Variants in SELENOI observed in about 807,000 individuals in gnomAD.
SELENOI encodes the protein selenoprotein I, also known as ethanolaminephosphotransferase 1.
A neutral mutation model predicts 50.7 loss-of-function variants in SELENOI; 24 were observed. The ratio of observed to expected loss-of-function variants is 0.47; its 90% CI spans 0.34 to 0.67. The LOEUF (loss-of-function observed/expected upper bound fraction) is 0.67. Among genes scored for constraint, SELENOI ranks in the 30% least tolerant of loss-of-function variants. The pLI, the probability that SELENOI is intolerant of heterozygous loss-of-function variation, is 0.01. For synonymous variants in SELENOI, 155 were observed against 170.2 expected (o/e 0.91, Z 0.70); for missense variants, 352 against 461.4 (o/e 0.76, Z 2.17).
At chr2:26,363,520 A>G (rs1677225206) in intron 1 of SELENOI, among the ~76,000 whole-genome samples, 2 of 152,270 alleles carry the variant, frequency 1.3e-5, no homozygotes, top group Middle Eastern at 6.8e-3. Context: ...AAACACCATA[A>G]TGTAAAAGCT....
Position 26,394,518 on chromosome 2 carries a change from T to C in SELENOI, c.*5415T>C, listed in dbSNP as rs1678044577. On this transcript the variant is annotated 3_prime_UTR_variant, in exon 10 of 10. Coordinates refer to ENST00000260585, the MANE Select transcript of SELENOI (RefSeq NM_033505.4). This position sits in a 1 kb window ranked among gnomAD's most constrained non-coding sequence, Gnocchi z 4.1. ...TTAACTTTTTTTGTAGGTTATTTTG[T>C]TGTTTAGATAACTTGCCTCCCTAGA... 6.6e-6 allele frequency: 1 copy of C among 152,268 alleles called. No individual in the cohort carries two copies. Among genetic ancestry groups the C allele is most frequent in the Non-Finnish European group, 1.5e-5 (1 of 68,050 alleles). The allele number at this position is 152,268 out of a possible 1,614,324, so 9.4% of individuals were successfully genotyped here.
intron 4 of SELENOI, among the ~76,000 whole-genome samples, chr2:26,370,919 G>T (rs62128664): frequency 3.7e-5 from 3 of 80,146 alleles, no homozygotes; most frequent in Non-Finnish European, 8.9e-5. Context: ...GCGGCTGGCC[G>T]GGCGGGGGGC....
At chr2:26,349,678 T>TG (rs929184892) in intron 1 of SELENOI, among the ~76,000 whole-genome samples, 1 of 150,322 alleles carries the variant, frequency 6.7e-6, no homozygotes, top group East Asian at 1.9e-4. Flanking sequence ...TGGTTTTTTT[T>TG]TTTTTTTTTT....
At chr2:26,370,742 T>C (rs927788959) in intron 4 of SELENOI, among the ~76,000 whole-genome samples, 2 of 137,048 alleles carry the variant, frequency 1.5e-5, no homozygotes, top group East Asian at 2.4e-4. Context: ...GGCGGGGGGC[T>C]GACCCCCCCA....
At chr2:26,360,964 C>T (rs1002937961) in intron 1 of SELENOI, among the ~76,000 whole-genome samples, 2 of 152,150 alleles carry the variant, frequency 1.3e-5, no homozygotes, top group Non-Finnish European at 2.9e-5. Flanking sequence ...CCTGTAATCC[C>T]AGCACTTTGG....
chr2:26,387,029 T>A (rs1248690854), intron 9 of SELENOI, among the ~76,000 whole-genome samples: 1 of 152,226 alleles, frequency 6.6e-6, no homozygotes, highest in African/African-American at 2.4e-5. Flanking sequence ...TGAGGGAGAT[T>A]AGAATTTCTG....
At chr2:26,386,687 G>A (rs1054235205) in intron 9 of SELENOI, among the ~76,000 whole-genome samples, 151 bp downstream of exon 9, 1 of 152,110 alleles carries the variant, frequency 6.6e-6, no homozygotes, top group Admixed American at 6.5e-5. Flanking sequence ...TCTAAATTTT[G>A]GATAATATCC....
intron 1 of SELENOI, among the ~76,000 whole-genome samples, chr2:26,349,670 G>GTTTTT (rs372398913): frequency 3.1e-4 from 36 of 115,144 alleles, no homozygotes; most frequent in Non-Finnish European, 4.2e-4. Context: ...CTGCAAGTTG[G>GTTTTT]TTTTTTTTTT....
rs1471106152 is a variant in SELENOI, at chr2:26,391,612, A to C, written c.*2509A>C. On this transcript the variant is annotated 3_prime_UTR_variant, in exon 10 of 10. Transcript: ENST00000260585. The stretch of plus-strand genomic sequence containing the variant: ...AGGAGCATACGTGCATGTTTTCCGT[A>C]CTTTCAGAATAGAGTGCCTTAGCTA... The C allele has an allele frequency of 1.3e-5, 2 of 152,196 alleles. No individual in the cohort carries two copies. The highest frequency in any genetic ancestry group is 4.8e-5 in the African/African-American group (2 of 41,444). The allele number at this position is 152,196 out of a possible 1,614,324, so 9.4% of individuals were successfully genotyped here. A position where few individuals can be genotyped will look rare whatever the true frequency, so the allele number is the denominator to read the frequency against.
chr2:26,348,945 G>A (rs1461626486), intron 1 of SELENOI, among the ~76,000 whole-genome samples: 1 of 142,982 alleles, frequency 7.0e-6, no homozygotes, highest in African/African-American at 2.5e-5. Context: ...GAATTATACT[G>A]AAGGATTTCA....
chr2:26,350,979 A>G (rs1218446244), intron 1 of SELENOI, among the ~76,000 whole-genome samples: 1 of 151,934 alleles, frequency 6.6e-6, no homozygotes, highest in African/African-American at 2.4e-5. Context: ...TGCTCAGAAC[A>G]CTTAGATTAA....
At chr2:26,383,617 A>C (rs926264757) in intron 7 of SELENOI, among the ~76,000 whole-genome samples, 6 of 152,088 alleles carry the variant, frequency 3.9e-5, no homozygotes, top group Non-Finnish European at 8.8e-5. Context: ...GGTGGCTCAC[A>C]CCTGTAATCC....
rs537811280 is a variant in SELENOI at position 26,354,683 on chromosome 2, G to A, written c.57+8394G>A. Among the ~76,000 whole-genome samples the A allele has an allele frequency of 1.7e-3, 256 of 152,100 alleles. 2 individuals are homozygous for A. Among genetic ancestry groups the A allele is most frequent in the Admixed American group, 2.5e-3 (38 of 15,278 alleles). On this transcript the variant is annotated intron_variant, in intron 1 of 9. Transcript: ENST00000260585. ...TGGGATTACAGATGTGAGCCACCGC[G>A]CCTGGCGGTACTGGCTGTTTTTGTG... is the stretch of plus-strand genomic sequence containing the variant.
At chr2:26,348,973 A>ACCCATCC (rs1446362395) in intron 1 of SELENOI, among the ~76,000 whole-genome samples, 1 of 108,186 alleles carries the variant, frequency 9.2e-6, no homozygotes, top group African/African-American at 3.2e-5. Flanking sequence ...TTTTGCCTCT[A>ACCCATCC]CCCATCCTTT....
At chr2:26,373,865 C>T (rs1677509584) in intron 5 of SELENOI, among the ~76,000 whole-genome samples, 1 of 152,138 alleles carries the variant, frequency 6.6e-6, no homozygotes, top group African/African-American at 2.4e-5. Context: ...ATTGCTGAGG[C>T]TGAGGCCTCC....
intron 1 of SELENOI, among the ~76,000 whole-genome samples, chr2:26,351,044 A>G (rs1212332048): frequency 1.1e-4 from 16 of 146,204 alleles, no homozygotes; most frequent in Non-Finnish European, 2.4e-4. Flanking sequence ...TTGGTTGTTC[A>G]CTGTTTGTTT....
chr2:26,373,547 T>C lies in SELENOI; in HGVS notation c.491T>C (p.Leu164Ser), dbSNP rs1334911165. Residue 164 changes from leucine (L) to serine (S), a missense_variant, in exon 5 of 10, where the codon TTG (leucine) becomes TCG (serine). Physicochemically the swap from Leu to Ser is moderately radical, Grantham distance 145. Coordinates refer to ENST00000260585, the MANE Select transcript of SELENOI (RefSeq NM_033505.4). ...CTTTATCTCCTGCTATGGGTAGTTTTGTTTTCTTTCATCCTGTCCCACTGG... is the reference window on the plus strand; with the variant it reads ...CTTTATCTCCTGCTATGGGTAGTTTCGTTTTCTTTCATCCTGTCCCACTGG... ...FVLYLLLWVV[L>S]FSFILSHWEK... is the part of the protein sequence containing the mutation. The C allele has an allele frequency of 6.2e-7, 1 of 1,613,894 alleles. No homozygotes were observed. Among genetic ancestry groups the C allele is most frequent in the African/African-American group, 1.3e-5 (1 of 74,936 alleles).
At chr2:26,366,922 T>A (rs1185523936) in intron 3 of SELENOI, among the ~76,000 whole-genome samples, 1 of 152,246 alleles carries the variant, frequency 6.6e-6, no homozygotes, top group Non-Finnish European at 1.5e-5. Context: ...TGAGTTACGA[T>A]AAAAGCTCAA....
chr2:26,371,466 G>C (rs1456403981), intron 4 of SELENOI, among the ~76,000 whole-genome samples: 1 of 152,040 alleles, frequency 6.6e-6, no homozygotes, highest in Non-Finnish European at 1.5e-5. Context: ...GGTGGCGGCC[G>C]GGCAGAGGCT....
Sources: allele counts gnomAD v4.1 joint callset (sites outside exome capture counted in the v4.1 genomes callset), GRCh38; gene constraint gnomAD v4.1.1; non-coding constraint Gnocchi (gnomAD v3.1); transcripts MANE v1.5; gene names NCBI Gene and HGNC (gene_info 2026-07-23, HGNC 2026-07-21).